Variants in FLT1 observed in about 807,000 individuals in gnomAD.
FLT1 encodes the protein fms related receptor tyrosine kinase 1.
FLT1 carries 49 observed loss-of-function variants against 156.3 expected under a neutral mutation model. That is an observed-to-expected ratio of 0.31 (90% CI 0.25 to 0.40). The LOEUF (loss-of-function observed/expected upper bound fraction) is 0.40. Ranked by LOEUF, FLT1 falls within the 10% of genes least tolerant of loss-of-function variation. FLT1 has a pLI of 1.00. For synonymous variants in FLT1, 594 were observed against 583.8 expected (o/e 1.02, Z -0.25); for missense variants, 1,322 against 1,637.2 (o/e 0.81, Z 3.32).
chr13:28,325,681 G>A (rs1384426049), intron 20 of FLT1, among the ~76,000 whole-genome samples: 1 of 151,852 alleles, frequency 6.6e-6, no homozygotes, highest in African/African-American at 2.4e-5. Flanking sequence ...GGGCGTTGTG[G>A]CGGGCTCCTG....
rs558755080 is a variant in FLT1, at chr13:28,422,396, A to G, written c.1436+4763T>C. ...AATCAGTGTTACTTCTTCCTTTGAAACTATGATTTGTGATAATTATATAGG... is the reference window on the plus strand; with the variant it reads ...AATCAGTGTTACTTCTTCCTTTGAAGCTATGATTTGTGATAATTATATAGG... On this transcript the variant is annotated intron_variant, in intron 10 of 29. Coordinates refer to ENST00000282397, the MANE Select transcript of FLT1 (RefSeq NM_002019.4). 9.8e-5 allele frequency among the ~76,000 whole-genome samples: 15 copies of G among 152,310 alleles called. No homozygotes were observed. The South Asian group carries it at 3.1e-3, about 32-fold the overall frequency.
At position 28,495,005 on chromosome 13, in the gene FLT1, C is replaced by T; in HGVS notation, c.-162G>A. On this transcript the variant is annotated 5_prime_UTR_variant, in exon 1 of 30. Transcript: ENST00000282397. The surrounding 1 kb of genome is among the most constrained non-coding windows in gnomAD (Gnocchi z 4.1). ...CAACCACTTCCCCGGGTAATCCTCG[C>T]CGCCAGGCGCCCGCTGGCCGCTGCA... The T allele has an allele frequency of 1.9e-6, 1 of 520,182 alleles. No individual in the cohort carries two copies. Among genetic ancestry groups the T allele is most frequent in the Non-Finnish European group, 3.2e-6 (1 of 310,140 alleles). 32.2% of individuals were successfully genotyped at this position (520,182 alleles called of 1,614,324 possible).
chr13:28,335,900 G>C (rs557920199), intron 17 of FLT1, among the ~76,000 whole-genome samples: 1 of 152,208 alleles, frequency 6.6e-6, no homozygotes, highest in Non-Finnish European at 1.5e-5. Flanking sequence ...CTGAAAATCC[G>C]GTGTGGGAAC....
chr13:28,455,365 C>T (rs1014126436), intron 3 of FLT1, among the ~76,000 whole-genome samples: 2 of 152,158 alleles, frequency 1.3e-5, no homozygotes, highest in African/African-American at 2.4e-5. Flanking sequence ...GTCAACTGAT[C>T]TTTGACAAAG....
intron 16 of FLT1, among the ~76,000 whole-genome samples, chr13:28,340,428 A>G (rs1287061517): frequency 6.6e-6 from 1 of 152,156 alleles, no homozygotes; most frequent in African/African-American, 2.4e-5. Flanking sequence ...TTTACATTTA[A>G]TGTCTTAGAT....
intron 1 of FLT1, among the ~76,000 whole-genome samples, chr13:28,484,386 C>T (rs2137661671): frequency 6.6e-6 from 1 of 152,302 alleles, no homozygotes; most frequent in South Asian, 2.1e-4. Flanking sequence ...GTGCTGTCCT[C>T]ATGCTGTTGT....
chr13:28,479,729 T>C (rs1880737011), intron 1 of FLT1, among the ~76,000 whole-genome samples: 1 of 152,256 alleles, frequency 6.6e-6, no homozygotes, highest in Non-Finnish European at 1.5e-5. Context: ...GCGTTGTTTG[T>C]ATTCAATGCC....
intron 1 of FLT1, among the ~76,000 whole-genome samples, chr13:28,480,191 C>T (rs973933036): frequency 3.3e-5 from 5 of 152,200 alleles, no homozygotes; most frequent in Non-Finnish European, 7.4e-5. Context: ...TTTTTCCCCT[C>T]ACTACATTCT....
chr13:28,476,890 C>T (rs1213539359), intron 1 of FLT1, among the ~76,000 whole-genome samples: 1 of 151,484 alleles, frequency 6.6e-6, no homozygotes, highest in Non-Finnish European at 1.5e-5. Flanking sequence ...GTCAATGAAA[C>T]TCATAGATAG....
At chr13:28,448,808 A>G (rs1014016298) in intron 3 of FLT1, among the ~76,000 whole-genome samples, 6 of 152,210 alleles carry the variant, frequency 3.9e-5, no homozygotes, top group Non-Finnish European at 7.3e-5. Context: ...TTTCTTAGAA[A>G]TGATGATCCA....
In FLT1 at chr13:28,473,780, A is replaced by G. The variant is rs1476530282; in HGVS notation, c.65-6163T>C. Among the ~76,000 whole-genome samples the G allele has an allele frequency of 4.8e-5, 3 of 62,788 alleles. No individual in the cohort carries two copies. The East Asian group carries it at 1.3e-3, about 27-fold the overall frequency. 41.2% of individuals were successfully genotyped at this position (62,788 alleles called of 152,430 possible). A position where few individuals can be genotyped will look rare whatever the true frequency, so the allele number is the denominator to read the frequency against. ...AAGGAAGGAAGGAAGGAAGGAAGGAAAGAAAGAAAGAAAGAAAGAAAGAAA... is the reference window on the plus strand; with the variant it reads ...AAGGAAGGAAGGAAGGAAGGAAGGAGAGAAAGAAAGAAAGAAAGAAAGAAA... On this transcript the variant is annotated intron_variant, in intron 1 of 29. Coordinates refer to ENST00000282397, the MANE Select transcript of FLT1 (RefSeq NM_002019.4).
chr13:28,405,741 T>C (rs746244841), intron 11 of FLT1, 39 bp downstream of exon 11: 1 of 1,089,838 alleles, frequency 9.2e-7, no homozygotes, highest in South Asian at 1.2e-5. Flanking sequence ...AGTGTATTTG[T>C]GGAATAAATA....
At chr13:28,478,554 G>A (rs547155641) in intron 1 of FLT1, among the ~76,000 whole-genome samples, 47 of 152,254 alleles carry the variant, frequency 3.1e-4, no homozygotes, top group African/African-American at 9.6e-4. Flanking sequence ...GTATAAAAGC[G>A]GGAATTGGAA....
chr13:28,387,794 C>A (rs1407180480), intron 13 of FLT1: 3 of 1,004,836 alleles, frequency 3.0e-6, no homozygotes, highest in African/African-American at 4.0e-5. Flanking sequence ...ACAAAACCCA[C>A]CCAAAAGTTT....
rs558247459 is a variant in FLT1 at position 28,301,159 on chromosome 13, A to G, written c.*2008T>C. 1 of 226,716 alleles carries G rather than the reference A, an allele frequency of 4.4e-6. No homozygotes were observed. The highest frequency in any genetic ancestry group is 6.3e-5 in the East Asian group (1 of 15,904). 14.0% of individuals were successfully genotyped at this position (226,716 alleles called of 1,614,324 possible). On this transcript the variant is annotated 3_prime_UTR_variant, in exon 30 of 30. Transcript: ENST00000282397. ...ATTTGTTATCACTATTTGCTGGGCT[A>G]TTATCTGATTTGGAAAAAAAAAAAA...
At chr13:28,310,082 A>T (rs535253045) in intron 27 of FLT1, among the ~76,000 whole-genome samples, 20 of 151,530 alleles carry the variant, frequency 1.3e-4, no homozygotes, top group African/African-American at 4.8e-4. Context: ...TAGAGATGGG[A>T]TTTCACCATG....
At chr13:28,353,697 G>A (rs746150459) in intron 15 of FLT1, among the ~76,000 whole-genome samples, 2 of 152,116 alleles carry the variant, frequency 1.3e-5, no homozygotes, top group Admixed American at 1.3e-4. Context: ...GCTACTGAGC[G>A]CTATGTTAAT....
intron 13 of FLT1, chr13:28,387,603 T>C (rs768153641): frequency 1.9e-6 from 2 of 1,064,796 alleles, no homozygotes; most frequent in Non-Finnish European, 2.3e-6. Context: ...GTCACATAAA[T>C]ACACAGCTTC....
intron 14 of FLT1, among the ~76,000 whole-genome samples, chr13:28,376,772 G>A (rs1399324326): frequency 6.6e-6 from 1 of 152,176 alleles, no homozygotes; most frequent in East Asian, 1.9e-4. Flanking sequence ...CCTGGGAAGA[G>A]GGTAAGGTAG....
Sources: gnomAD v4.1 joint callset for allele counts (sites outside exome capture counted in the v4.1 genomes callset) on GRCh38, gnomAD v4.1.1 for gene constraint, Gnocchi (gnomAD v3.1) non-coding constraint, MANE v1.5 for transcripts, NCBI Gene and HGNC (gene_info 2026-07-23, HGNC 2026-07-21) for gene names.